ADARB1: variants seen among roughly 807,000 people sequenced by gnomAD.
The protein encoded by ADARB1 is adenosine deaminase RNA specific B1, also known as double-stranded RNA-specific editase 1.
A neutral mutation model predicts 52.4 loss-of-function variants in ADARB1; 10 were observed. That is an observed-to-expected ratio of 0.19 (90% CI 0.12 to 0.32). The LOEUF (loss-of-function observed/expected upper bound fraction) is 0.32, where lower values mean the gene tolerates loss of function less well. Ranked by LOEUF, ADARB1 falls within the 10% of genes least tolerant of loss-of-function variation. ADARB1 has a pLI of 1.00. For missense variants in ADARB1, 643 were observed against 922.3 expected, an observed-to-expected ratio of 0.70 and a Z score of 3.92; for synonymous variants, 349 against 371.1, an observed-to-expected ratio of 0.94 and a Z score of 0.68.
In ADARB1 at chr21:45,122,771, G is replaced by A. The variant is rs181692592; in HGVS notation, c.-219-5631G>A. 1.5e-3 allele frequency among the ~76,000 whole-genome samples: 228 copies of A among 152,294 alleles called. 1 individual carries two copies. The highest frequency in any genetic ancestry group is 1.6e-3 in the Non-Finnish European group (112 of 68,032). On this transcript the variant is annotated intron_variant, in intron 1 of 10. Transcript: ENST00000348831. ...ACGGCACAGGTTGAAACTCTTGGCC[G>A]TAGCTTGCGAGCTTGCCTCTTAGCA...
At chr21:45,125,501 G>A (rs1235384439) in intron 1 of ADARB1, among the ~76,000 whole-genome samples, 10 of 152,252 alleles carry the variant, frequency 6.6e-5, no homozygotes, top group Non-Finnish European at 7.3e-5. Flanking sequence ...CCCAGAAATA[G>A]GAGGTGGAAT....
Position 45,134,514 on chromosome 21 carries a change from C to CGT in ADARB1, c.-48+5952_-48+5953dup, listed in dbSNP as rs532324938. 6.9e-3 allele frequency among the ~76,000 whole-genome samples: 1,036 copies of CGT among 151,186 alleles called. 19 individuals are homozygous for CGT. Among genetic ancestry groups the CGT allele is most frequent in the Non-Finnish European group, 6.4e-3 (437 of 67,760 alleles). The stretch of plus-strand genomic sequence containing the variant: ...GTACACTCGGGGTGTGTGTGCCTGA[C>CGT]GTGTGTGTGTGTCTGACATGGGTGT... On this transcript the variant is annotated intron_variant, in intron 2 of 10. Transcript: ENST00000348831.
intron 8 of ADARB1, among the ~76,000 whole-genome samples, chr21:45,191,100 C>T (rs931620233): frequency 3.9e-5 from 6 of 152,130 alleles, no homozygotes; most frequent in African/African-American, 1.2e-4. Context: ...GGAAAGAGGG[C>T]CTGTAGCTTC....
At chr21:45,178,753 A>AT (rs958871185) in intron 4 of ADARB1, among the ~76,000 whole-genome samples, 5 of 151,764 alleles carry the variant, frequency 3.3e-5, no homozygotes, top group Non-Finnish European at 5.9e-5. Flanking sequence ...TCTTAAGAGC[A>AT]TTTTTTTTGT....
intron 1 of ADARB1, among the ~76,000 whole-genome samples, chr21:45,090,661 A>ACTGGG (rs1261322174): frequency 3.9e-5 from 6 of 152,108 alleles, no homozygotes; most frequent in African/African-American, 2.4e-5. Context: ...CACAACCATC[A>ACTGGG]CTGGGATCAA....
chr21:45,131,891 C>T (rs981890785), intron 2 of ADARB1, among the ~76,000 whole-genome samples: 3 of 152,170 alleles, frequency 2.0e-5, no homozygotes, highest in Non-Finnish European at 2.9e-5. Flanking sequence ...GGTGTCCTGG[C>T]GCAGAGCTCC....
intron 1 of ADARB1, among the ~76,000 whole-genome samples, chr21:45,102,806 T>A (rs1011619125): frequency 2.6e-5 from 4 of 152,226 alleles, no homozygotes; most frequent in Admixed American, 2.6e-4. Flanking sequence ...CTGCATCTGC[T>A]GTATCTGCTG....
At position 45,224,093 on chromosome 21, in the gene ADARB1, CT is replaced by C. The variant is rs1166347613; in HGVS notation, c.*1897del. ...TTTCCCCCAAGCAGGCTCTTGCACACTCTAGAAAAAACACCTTGTAAGTCTG... is the reference window on the plus strand; with the variant it reads ...TTTCCCCCAAGCAGGCTCTTGCACACCTAGAAAAAACACCTTGTAAGTCTG... On this transcript the variant is annotated 3_prime_UTR_variant, in exon 11 of 11. Transcript: ENST00000348831. 5.1e-6 allele frequency: 5 copies of C among 985,240 alleles called. No individual in the cohort carries two copies. The highest frequency in any genetic ancestry group is 6.0e-6 in the Non-Finnish European group (5 of 829,934). The allele number at this position is 985,240 out of a possible 1,614,324, so 61.0% of individuals were successfully genotyped here.
chr21:45,217,177 C>T (rs2092879792), intron 9 of ADARB1, among the ~76,000 whole-genome samples: 1 of 152,042 alleles, frequency 6.6e-6, no homozygotes, highest in Non-Finnish European at 1.5e-5. Flanking sequence ...TGCCTTTTCA[C>T]TGAGGTACTT....
rs1052766092 is a variant in ADARB1, at chr21:45,132,181, G to C, written c.-48+3608G>C. 2.0e-5 allele frequency: 3 copies of C among 152,252 alleles called. No homozygotes were observed. In the East Asian group the frequency reaches 5.8e-4, roughly 29 times the overall value. 9.4% of individuals were successfully genotyped at this position (152,252 alleles called of 1,614,324 possible). A position where few individuals can be genotyped will look rare whatever the true frequency, so the allele number is the denominator to read the frequency against. ...ATTTGGCCAAGAACGAGAAGTCTCT[G>C]AATGTGCTTTTCTGGCATGACCCCT... On this transcript the variant is annotated intron_variant, in intron 2 of 10. Coordinates refer to ENST00000348831, the MANE Select transcript of ADARB1 (RefSeq NM_001112.4).
At chr21:45,164,462 G>A (rs966086188) in intron 2 of ADARB1, among the ~76,000 whole-genome samples, 4 of 149,866 alleles carry the variant, frequency 2.7e-5, no homozygotes, top group Non-Finnish European at 5.9e-5. Context: ...TGTGGGCCTC[G>A]CAGCCCACTG....
In ADARB1 at chr21:45,220,725, C is replaced by A; in HGVS notation, c.1748-111C>A. 1 of 1,180,280 alleles carries A rather than the reference C, an allele frequency of 8.5e-7. No homozygotes were observed. Among genetic ancestry groups the A allele is most frequent in the Non-Finnish European group, 1.2e-6 (1 of 823,954 alleles). 73.1% of individuals were successfully genotyped at this position (1,180,280 alleles called of 1,614,324 possible). A position where few individuals can be genotyped will look rare whatever the true frequency, so the allele number is the denominator to read the frequency against. The stretch of plus-strand genomic sequence containing the variant: ...TATATTCCTCGGCAGGCAGAATTCC[C>A]CCACCACGCACTTCTGTGGCCATGT... On this transcript the variant is annotated intron_variant, in intron 9 of 10. Transcript: ENST00000348831. This position sits in a 1 kb window ranked among gnomAD's most constrained non-coding sequence, Gnocchi z 6.3.
Position 45,220,777 on chromosome 21 carries a change from G to A in ADARB1, c.1748-59G>A. Reference sequence around the variant, plus strand: ...TGAGCACAGTGTGCCGCCCGTGGCTGCTCCCTCCCTGGGGGTGAAAGCGGG... The same window carrying A: ...TGAGCACAGTGTGCCGCCCGTGGCTACTCCCTCCCTGGGGGTGAAAGCGGG... On this transcript the variant is annotated intron_variant, in intron 9 of 10. Coordinates refer to ENST00000348831, the MANE Select transcript of ADARB1 (RefSeq NM_001112.4). This position sits in a 1 kb window ranked among gnomAD's most constrained non-coding sequence, Gnocchi z 6.3. 2 of 1,581,494 alleles carry A rather than the reference G, an allele frequency of 1.3e-6. No homozygotes were observed. Among genetic ancestry groups the A allele is most frequent in the Admixed American group, 3.4e-5 (2 of 59,246 alleles).
chr21:45,114,104 CA>C (rs2145767766), intron 1 of ADARB1, among the ~76,000 whole-genome samples: 1 of 152,294 alleles, frequency 6.6e-6, no homozygotes, highest in African/African-American at 2.4e-5. Flanking sequence ...CATCCTAAAC[CA>C]AAACTACATA....
At chr21:45,137,835 TTC>T (rs1298788716) in intron 2 of ADARB1, among the ~76,000 whole-genome samples, 1 of 151,988 alleles carries the variant, frequency 6.6e-6, no homozygotes, top group Non-Finnish European at 1.5e-5. Flanking sequence ...TGGGTTTGTT[TTC>T]CAGGGAGATG....
chr21:45,100,310 C>A (rs1022981447), intron 1 of ADARB1, among the ~76,000 whole-genome samples: 3 of 152,144 alleles, frequency 2.0e-5, no homozygotes. Context: ...ACTAGGCTTG[C>A]ACTGGCCCCC....
intron 4 of ADARB1, chr21:45,177,348 C>CT (rs2091742048): frequency 6.6e-6 from 1 of 152,362 alleles, no homozygotes; most frequent in Non-Finnish European, 1.5e-5. Flanking sequence ...TGTATGAGGA[C>CT]TTCCCCGCAT....
At chr21:45,137,343 T>A (rs1045392314) in intron 2 of ADARB1, 1 of 152,212 alleles carries the variant, frequency 6.6e-6, no homozygotes, top group Non-Finnish European at 1.5e-5. Context: ...GATCCTGATA[T>A]GTCGAGAGTT....
chr21:45,184,797 C>T, intron 7 of ADARB1, 126 bp from the exon 8 acceptor site: 1 of 1,085,490 alleles, frequency 9.2e-7, no homozygotes, highest in African/African-American at 1.6e-5. Flanking sequence ...GTATGTATGG[C>T]ATAAACATAT....
Sources: allele counts gnomAD v4.1 joint callset (sites outside exome capture counted in the v4.1 genomes callset), GRCh38; gene constraint gnomAD v4.1.1; non-coding constraint Gnocchi (gnomAD v3.1); transcripts MANE v1.5; gene names NCBI Gene and HGNC (gene_info 2026-07-23, HGNC 2026-07-21).